Variants in NUP93 observed in about 807,000 individuals in gnomAD.
The protein encoded by NUP93 is nuclear pore complex protein Nup93.
Under a neutral mutation model 107.8 loss-of-function variants are expected in NUP93, and 55 were observed. That is an observed-to-expected ratio of 0.51 (90% CI 0.41 to 0.64). The LOEUF (loss-of-function observed/expected upper bound fraction) is 0.64. Among genes scored for constraint, NUP93 ranks in the 30% least tolerant of loss-of-function variants. NUP93 has a pLI of 0.00. For synonymous variants in NUP93, 390 were observed against 397.5 expected, an observed-to-expected ratio of 0.98 and a Z score of 0.22; for missense variants, 937 against 1,044.7, an observed-to-expected ratio of 0.90 and a Z score of 1.42.
intron 16 of NUP93, among the ~76,000 whole-genome samples, chr16:56,835,661 C>T (rs1171422609): frequency 6.6e-6 from 1 of 152,216 alleles, no homozygotes; most frequent in African/African-American, 2.4e-5. Context: ...CAACCTGGTC[C>T]AGCCACCTTG....
chr16:56,784,673 A>C (rs1962587288), intron 3 of NUP93, among the ~76,000 whole-genome samples: 1 of 152,222 alleles, frequency 6.6e-6, no homozygotes, highest in Non-Finnish European at 1.5e-5. Context: ...TTTATAGTGC[A>C]TGTATTTTAT....
At chr16:56,746,203 C>G (rs1408848743) in intron 1 of NUP93, among the ~76,000 whole-genome samples, 1 of 152,054 alleles carries the variant, frequency 6.6e-6, no homozygotes, top group African/African-American at 2.4e-5. Context: ...CTTTGTTTTT[C>G]TTTTCCCTTT....
At chr16:56,836,529 T>G (rs1246689637) in intron 16 of NUP93, 72 bp from the exon 17 acceptor site, 4 of 895,728 alleles carry the variant, frequency 4.5e-6, no homozygotes, top group Non-Finnish European at 7.2e-6. Context: ...CCTAATTGCT[T>G]CTCTGTGTTT....
At chr16:56,832,228 T>C in intron 11 of NUP93, 67 bp from the exon 12 acceptor site, 1 of 1,385,620 alleles carries the variant, frequency 7.2e-7, no homozygotes, top group Non-Finnish European at 1.0e-6. Context: ...GCTGAACAGC[T>C]ACAACTCTGT....
At chr16:56,790,443 A>G (rs1962734380) in intron 3 of NUP93, among the ~76,000 whole-genome samples, 1 of 152,180 alleles carries the variant, frequency 6.6e-6, no homozygotes, top group African/African-American at 2.4e-5. Flanking sequence ...CCGTGTAGGC[A>G]CCACAAAAGG....
intron 5 of NUP93, among the ~76,000 whole-genome samples, chr16:56,816,807 A>C (rs554661269): frequency 1.3e-5 from 2 of 152,182 alleles, no homozygotes; most frequent in Admixed American, 1.3e-4. Flanking sequence ...ATCACCTTGA[A>C]TAGCTTGAAA....
At chr16:56,829,939 C>T (rs1439216505) in intron 9 of NUP93, among the ~76,000 whole-genome samples, 2 of 152,190 alleles carry the variant, frequency 1.3e-5, no homozygotes, top group South Asian at 2.1e-4. Flanking sequence ...AAGACAGAAG[C>T]GTAAGCGCAG....
At chr16:56,816,870 T>C (rs1963444003) in intron 5 of NUP93, among the ~76,000 whole-genome samples, 1 of 152,120 alleles carries the variant, frequency 6.6e-6, no homozygotes. Flanking sequence ...CTACCCATCG[T>C]CCCTTTTCCC....
At chr16:56,757,963 C>T (rs73555571) in intron 2 of NUP93, among the ~76,000 whole-genome samples, 4,147 of 151,886 alleles carry the variant, frequency 0.027, 71 homozygotes, top group South Asian at 0.061. Flanking sequence ...CTGTACAACC[C>T]GGGAGGCTGA....
At chr16:56,811,506 ATTTTGT>A (rs1287413324) in intron 5 of NUP93, among the ~76,000 whole-genome samples, 6 of 149,792 alleles carry the variant, frequency 4.0e-5, no homozygotes, top group Admixed American at 4.0e-4. Flanking sequence ...ATGAAATATC[ATTTTGT>A]TTTTGTTTTT....
At chr16:56,768,775 G>A (rs1359011679) in intron 3 of NUP93, among the ~76,000 whole-genome samples, 1 of 150,700 alleles carries the variant, frequency 6.6e-6, no homozygotes, top group Non-Finnish European at 1.5e-5. Flanking sequence ...GCTGAGGCAG[G>A]AGAATGGTGT....
At chr16:56,815,370 T>C (rs879757429) in intron 5 of NUP93, among the ~76,000 whole-genome samples, 10 of 152,118 alleles carry the variant, frequency 6.6e-5, no homozygotes, top group Non-Finnish European at 1.0e-4. Flanking sequence ...GTCCTTAATA[T>C]AGTGTTAATA....
intron 4 of NUP93, among the ~76,000 whole-genome samples, chr16:56,798,844 G>T (rs569262783): frequency 6.7e-6 from 1 of 149,850 alleles, no homozygotes; most frequent in Non-Finnish European, 1.5e-5. Context: ...CATCCTGGGG[G>T]ACAGAATGAG....
At chr16:56,818,548 G>A in intron 5 of NUP93, 116 bp from the exon 6 acceptor site, 1 of 813,226 alleles carries the variant, frequency 1.2e-6, no homozygotes, top group Admixed American at 2.6e-5. Context: ...TTCTTAACTA[G>A]GAAACAGACT....
rs773614710 is a variant in NUP93 at position 56,841,825 on chromosome 16, C to T, written c.2341C>T (p.Arg781Cys). ...CAGGCCCCAGCGAGTCATCGAGGAC[C>T]GCGACTCTGTAAGATCCCAGCATTC... is the stretch of plus-strand genomic sequence containing the variant. ...SSRPQRVIED[R>C]DSQLRSQART... is the part of the protein sequence containing the mutation. Residue 781 changes from arginine (R) to cysteine (C), a missense_variant, in exon 21 of 22, where the codon CGC (arginine) becomes TGC (cysteine). Coordinates refer to ENST00000308159, the MANE Select transcript of NUP93 (RefSeq NM_014669.5). 11 of 1,613,958 alleles carry T rather than the reference C, an allele frequency of 6.8e-6. No homozygotes were observed. The highest frequency in any genetic ancestry group is 2.2e-5 in the East Asian group (1 of 44,880).
At chr16:56,734,173 A>G (rs1207264818) in intron 1 of NUP93, among the ~76,000 whole-genome samples, 2 of 152,242 alleles carry the variant, frequency 1.3e-5, no homozygotes, top group African/African-American at 4.8e-5. Context: ...GAGGTAAAAC[A>G]GAAATGTGGT....
At chr16:56,730,689 C>T (rs1385900247) in intron 1 of NUP93, among the ~76,000 whole-genome samples, 4 of 152,206 alleles carry the variant, frequency 2.6e-5, no homozygotes, top group African/African-American at 7.2e-5. Context: ...TTATCCCAAC[C>T]CTTGGCTTAC....
At chr16:56,762,314 G>A (rs555280708) in intron 3 of NUP93, among the ~76,000 whole-genome samples, 6 of 152,194 alleles carry the variant, frequency 3.9e-5, no homozygotes, top group Non-Finnish European at 7.3e-5. Context: ...TAGATTGCAT[G>A]TATATTTCAA....
In NUP93 at chr16:56,844,554, G is replaced by A. The variant is rs764588936; in HGVS notation, c.2405G>A (p.Arg802Gln). 11 of 1,577,110 alleles carry A rather than the reference G, an allele frequency of 7.0e-6. No homozygotes were observed. In the East Asian group the frequency reaches 1.2e-4, roughly 17 times the overall value. The change falls in exon 22 of 22, where the codon CGA (arginine) becomes CAA (glutamine). Residue 802 changes from arginine to glutamine, a missense_variant. Transcript: ENST00000308159. ...LITFAGMIPYRTSGDTNARLV... is the reference protein window; with the variant it reads ...LITFAGMIPYQTSGDTNARLV... The stretch of plus-strand genomic sequence containing the variant: ...ACCTTTGCTGGAATGATACCATACC[G>A]AACGTCTGGGGACACCAATGCGAGG...
Sources: allele counts gnomAD v4.1 joint callset (sites outside exome capture counted in the v4.1 genomes callset), GRCh38; gene constraint gnomAD v4.1.1; transcripts MANE v1.5; gene names NCBI Gene and HGNC (gene_info 2026-07-23, HGNC 2026-07-21).